Variants in ATP6V1C1 observed in about 807,000 individuals in gnomAD.
ATP6V1C1 encodes the protein ATPase H+ transporting V1 subunit C1.
A neutral mutation model predicts 53.9 loss-of-function variants in ATP6V1C1; 45 were observed. The ratio of observed to expected loss-of-function variants is 0.83; its 90% CI spans 0.66 to 1.07. The LOEUF (loss-of-function observed/expected upper bound fraction) is 1.07, where lower values mean the gene tolerates loss of function less well. Among genes scored for constraint, ATP6V1C1 ranks in the 50% least tolerant of loss-of-function variants. The pLI is 0.00. For missense variants in ATP6V1C1, 315 were observed against 440.3 expected (o/e 0.72, Z 2.55); for synonymous variants, 153 against 155.2 (o/e 0.99, Z 0.11).
rs1817602100 is a variant in ATP6V1C1 at position 103,072,451 on chromosome 8, A to G, written c.*3704A>G. On this transcript the variant is annotated 3_prime_UTR_variant, in exon 13 of 13. Transcript: ENST00000518738. ...GCCTGCCTTTATAAAAAATGTGATT[A>G]TCTTCTTCTGTTAATGTCAATAAAA... 6.6e-6 allele frequency: 1 copy of G among 152,236 alleles called. No individual in the cohort carries two copies. Among genetic ancestry groups the G allele is most frequent in the Non-Finnish European group, 1.5e-5 (1 of 68,030 alleles). 9.4% of individuals were successfully genotyped at this position (152,236 alleles called of 1,614,324 possible).
rs1318758895 is a variant in ATP6V1C1, at chr8:103,072,544, A to G, written c.*3797A>G. ...GAGGAAACCTAGCAAAAACTTTGCT[A>G]GTTTAGTACTTGTCTCTAAATTGAT... On this transcript the variant is annotated 3_prime_UTR_variant, in exon 13 of 13. Coordinates refer to ENST00000518738, the MANE Select transcript of ATP6V1C1 (RefSeq NM_001695.5). 1.3e-5 allele frequency: 2 copies of G among 152,218 alleles called. No homozygotes were observed. The highest frequency in any genetic ancestry group is 1.3e-4 in the Admixed American group (2 of 15,278). 9.4% of individuals were successfully genotyped at this position (152,218 alleles called of 1,614,324 possible). A position where few individuals can be genotyped will look rare whatever the true frequency, so the allele number is the denominator to read the frequency against.
Position 103,066,309 on chromosome 8 carries a change from C to CT in ATP6V1C1, c.927-6dup, listed in dbSNP as rs766356588. The CT allele has an allele frequency of 3.8e-6, 6 of 1,596,564 alleles. No individual in the cohort carries two copies. The Admixed American group carries it at 7.3e-5, about 20-fold the overall frequency. On this transcript the variant is annotated splice_polypyrimidine_tract_variant and intron_variant, in intron 11 of 12. Transcript: ENST00000518738. ...GCTTGTATTGCGTACTGTATTTCTG[C>CT]TTTTTTGTAAGGTATGGCTTGCCAG...
At chr8:103,031,690 G>A (rs1024036078) in intron 1 of ATP6V1C1, among the ~76,000 whole-genome samples, 1 of 152,178 alleles carries the variant, frequency 6.6e-6, no homozygotes, top group Non-Finnish European at 1.5e-5. Flanking sequence ...TTCAACATGA[G>A]ATCTGGGGAG....
At chr8:103,064,834 C>G (rs1376943572) in intron 11 of ATP6V1C1, 23 bp downstream of exon 11, 2 of 1,602,510 alleles carry the variant, frequency 1.2e-6, no homozygotes, top group Non-Finnish European at 1.7e-6. Context: ...AATTGCCAAA[C>G]TTGGAACTGA....
chr8:103,063,297 T>A, intron 10 of ATP6V1C1, 69 bp downstream of exon 10: 1 of 1,053,286 alleles, frequency 9.5e-7, no homozygotes, highest in Non-Finnish European at 1.4e-6. Context: ...TTTCCTTTGA[T>A]TTAAAAGAAA....
chr8:103,024,213 C>A (rs1476823697), intron 1 of ATP6V1C1, among the ~76,000 whole-genome samples: 1 of 152,132 alleles, frequency 6.6e-6, no homozygotes, highest in Admixed American at 6.5e-5. Flanking sequence ...TAGATAAAAT[C>A]TAAAGAAACA....
At chr8:103,068,171 C>T (rs1277132367) in intron 12 of ATP6V1C1, among the ~76,000 whole-genome samples, 1 of 152,034 alleles carries the variant, frequency 6.6e-6, no homozygotes, top group East Asian at 1.9e-4. Context: ...TTTTTTGTAG[C>T]GATAGAGTCT....
chr8:103,062,936 A>G lies in ATP6V1C1; in HGVS notation c.642-19A>G. 1.3e-6 allele frequency: 2 copies of G among 1,566,288 alleles called. No individual in the cohort carries two copies. The highest frequency in any genetic ancestry group is 8.8e-7 in the Non-Finnish European group (1 of 1,141,596). ...GCAATACGTATAAATCTTTAAATGG[A>G]CTTTTTTTTTTTCCATAGTGTTCTT... On this transcript the variant is annotated intron_variant, in intron 8 of 12. Transcript: ENST00000518738.
In ATP6V1C1 at chr8:103,070,079, C is replaced by T. The variant is rs2248718; in HGVS notation, c.*1332C>T. On this transcript the variant is annotated 3_prime_UTR_variant, in exon 13 of 13. Transcript: ENST00000518738. Reference sequence around the variant, plus strand: ...TATTTTTAATAAAATAGGATTATACCACACACATCCTGTCACTTGCTTTTT... The same window carrying T: ...TATTTTTAATAAAATAGGATTATACTACACACATCCTGTCACTTGCTTTTT... 0.14 allele frequency: 20,707 copies of T among 152,066 alleles called. 1,520 individuals carry two copies. Among genetic ancestry groups the T allele is most frequent in the Middle Eastern group, 0.16 (47 of 294 alleles). 9.4% of individuals were successfully genotyped at this position (152,066 alleles called of 1,614,324 possible).
intron 3 of ATP6V1C1, among the ~76,000 whole-genome samples, chr8:103,042,617 A>C (rs561428044): frequency 6.6e-6 from 1 of 152,308 alleles, no homozygotes; most frequent in African/African-American, 2.4e-5. Context: ...TCTTTTTACT[A>C]TCTTTAATGG....
At chr8:103,064,884 A>G (rs1817462116) in intron 11 of ATP6V1C1, 73 bp downstream of exon 11, 2 of 1,325,570 alleles carry the variant, frequency 1.5e-6, no homozygotes, top group Non-Finnish European at 2.1e-6. Flanking sequence ...CTTTATTATA[A>G]CACAGTCCAG....
chr8:103,060,819 C>T (rs1380833655), intron 8 of ATP6V1C1, among the ~76,000 whole-genome samples: 1 of 152,070 alleles, frequency 6.6e-6, no homozygotes, highest in Non-Finnish European at 1.5e-5. Flanking sequence ...TTGAGTAAGC[C>T]ATAGGAATTT....
intron 12 of ATP6V1C1, among the ~76,000 whole-genome samples, chr8:103,067,329 G>A (rs902962130): frequency 1.6e-4 from 24 of 150,830 alleles, no homozygotes; most frequent in African/African-American, 4.6e-4. Context: ...AACCTCGGGG[G>A]GTGGTTGCAG....
intron 2 of ATP6V1C1, 60 bp downstream of exon 2, chr8:103,041,028 C>G (rs1816990908): frequency 2.0e-6 from 3 of 1,535,394 alleles, no homozygotes; most frequent in Non-Finnish European, 2.6e-6. Context: ...GGCCAGTTCT[C>G]TCTTTTAGTG....
intron 4 of ATP6V1C1, 36 bp downstream of exon 4, chr8:103,048,991 A>G (rs746413732): frequency 1.3e-6 from 2 of 1,571,748 alleles, no homozygotes; most frequent in East Asian, 2.3e-5. Context: ...TTATTAACTC[A>G]TACAAAGCAA....
rs202036945 is a variant in ATP6V1C1, at chr8:103,042,437, A to G, written c.200+30A>G. 8.3e-5 allele frequency: 131 copies of G among 1,586,530 alleles called. No individual in the cohort carries two copies. In the Middle Eastern group the frequency reaches 1.8e-3, roughly 22 times the overall value. ...TGTACTTATATGCATGGAGTAGAGC[A>G]AAATGGGAGACACTATTATCAGGCT... On this transcript the variant is annotated intron_variant, in intron 3 of 12. Transcript: ENST00000518738.
At chr8:103,033,545 C>T (rs1191368081) in intron 1 of ATP6V1C1, among the ~76,000 whole-genome samples, 3 of 152,144 alleles carry the variant, frequency 2.0e-5, no homozygotes, top group Non-Finnish European at 4.4e-5. Context: ...TTTCCACTTA[C>T]CGTCCTGGGC....
At chr8:103,041,098 T>A in intron 2 of ATP6V1C1, 130 bp downstream of exon 2, 1 of 1,066,992 alleles carries the variant, frequency 9.4e-7, no homozygotes, top group Non-Finnish European at 1.3e-6. Flanking sequence ...TGGCATGATT[T>A]AAAATGTGTC....
chr8:103,045,940 CA>C (rs150464257), intron 3 of ATP6V1C1, among the ~76,000 whole-genome samples: 7 of 141,642 alleles, frequency 4.9e-5, no homozygotes, highest in Non-Finnish European at 6.2e-5. Flanking sequence ...GACTCCGTTT[CA>C]AAAAAAAAAG....
Sources: gnomAD v4.1 joint callset for allele counts (sites outside exome capture counted in the v4.1 genomes callset) on GRCh38, gnomAD v4.1.1 for gene constraint, MANE v1.5 for transcripts, NCBI Gene and HGNC (gene_info 2026-07-23, HGNC 2026-07-21) for gene names.